The following XPO4 variants were observed in gnomAD, a reference collection of about 807,000 sequenced individuals.
The protein encoded by XPO4 is exportin-4.
XPO4 carries 39 observed loss-of-function variants against 143.0 expected under a neutral mutation model. That is an observed-to-expected ratio of 0.27 (90% CI 0.21 to 0.36). XPO4 has a LOEUF of 0.36. XPO4 is among the 10% of genes least tolerant of loss of function. XPO4 has a pLI of 1.00. For missense variants in XPO4, 907 were observed against 1,348.0 expected, an observed-to-expected ratio of 0.67 and a Z score of 5.12; for synonymous variants, 439 against 474.0, an observed-to-expected ratio of 0.93 and a Z score of 0.96.
chr13:20,895,326 A>G (rs1230018285), intron 1 of XPO4, among the ~76,000 whole-genome samples: 1 of 152,160 alleles, frequency 6.6e-6, no homozygotes, highest in Non-Finnish European at 1.5e-5. Context: ...TTCCCTATGC[A>G]GCCATTCTTA....
In XPO4 at chr13:20,902,488, G is replaced by A. The variant is rs1034065319; in HGVS notation, c.69+182C>T. The A allele has an allele frequency of 1.3e-4, 125 of 985,318 alleles. No individual in the cohort carries two copies. The Middle Eastern group carries it at 2.1e-3, about 16-fold the overall frequency. 61.0% of individuals were successfully genotyped at this position (985,318 alleles called of 1,614,324 possible). On this transcript the variant is annotated intron_variant, in intron 1 of 22. Transcript: ENST00000255305. ...AAGGGGACAGCTCCTGGAAGGAGGGGACGACGGCAGGAGGAAAGTAGGCTG... is the reference window on the plus strand; with the variant it reads ...AAGGGGACAGCTCCTGGAAGGAGGGAACGACGGCAGGAGGAAAGTAGGCTG...
intron 3 of XPO4, among the ~76,000 whole-genome samples, chr13:20,861,261 T>C (rs1199788301): frequency 6.6e-6 from 1 of 150,800 alleles, no homozygotes; most frequent in Non-Finnish European, 1.5e-5. Flanking sequence ...AAAAGGTAAA[T>C]AGTAAATCAA....
In XPO4 at chr13:20,778,024, TA is replaced by T. The variant is rs949529622; in HGVS notation, c.*5697del. On this transcript the variant is annotated 3_prime_UTR_variant, in exon 23 of 23. Coordinates refer to ENST00000255305, the MANE Select transcript of XPO4 (RefSeq NM_022459.5). ...AAGACTCAATCTGAGACCCTATGTT[TA>T]AAAAAACAAAACTGTTTTATAATCT... is the stretch of plus-strand genomic sequence containing the variant. 1 of 152,202 alleles carries T rather than the reference TA, an allele frequency of 6.6e-6. No homozygotes were observed. Among genetic ancestry groups the T allele is most frequent in the African/African-American group, 2.4e-5 (1 of 41,448 alleles). 9.4% of individuals were successfully genotyped at this position (152,202 alleles called of 1,614,324 possible).
At chr13:20,785,926 G>GAAAGA (rs2059198121) in intron 22 of XPO4, among the ~76,000 whole-genome samples, 1 of 144,580 alleles carries the variant, frequency 6.9e-6, no homozygotes, top group Non-Finnish European at 1.5e-5. Context: ...AGGAAGAAAG[G>GAAAGA]AAAGAAAAGA....
At chr13:20,902,204 G>A in intron 1 of XPO4, 1 of 985,362 alleles carries the variant, frequency 1.0e-6, no homozygotes, top group Non-Finnish European at 1.2e-6. Flanking sequence ...GGAAGCGCTA[G>A]AGGATGCGAA....
At chr13:20,788,961 T>C (rs2059241680) in intron 19 of XPO4, among the ~76,000 whole-genome samples, 1 of 152,238 alleles carries the variant, frequency 6.6e-6, no homozygotes. Context: ...TAAAACCTTT[T>C]TGTAAATGTA....
At position 20,890,148 on chromosome 13, in the gene XPO4, T is replaced by C. The variant is rs186756866; in HGVS notation, c.69+12522A>G. Among the ~76,000 whole-genome samples the C allele has an allele frequency of 1.2e-3, 186 of 152,288 alleles. 1 individual carries two copies. The highest frequency in any genetic ancestry group is 3.9e-3 in the African/African-American group (162 of 41,568). On this transcript the variant is annotated intron_variant, in intron 1 of 22. Coordinates refer to ENST00000255305, the MANE Select transcript of XPO4 (RefSeq NM_022459.5). ...AATGAGCTAGAACCTATAAGAATTATTTGAAATGTTAAATCAGGAGCTGGG... is the reference window on the plus strand; with the variant it reads ...AATGAGCTAGAACCTATAAGAATTACTTGAAATGTTAAATCAGGAGCTGGG...
chr13:20,814,060 T>G (rs1461622052), intron 9 of XPO4, among the ~76,000 whole-genome samples: 3 of 152,150 alleles, frequency 2.0e-5, no homozygotes, highest in Admixed American at 2.0e-4. Context: ...GGCCTGTTTA[T>G]ATACTTAACA....
chr13:20,807,097 G>A (rs1480091468), intron 13 of XPO4, among the ~76,000 whole-genome samples: 2 of 152,042 alleles, frequency 1.3e-5, no homozygotes, highest in South Asian at 2.1e-4. Context: ...AACGATACTT[G>A]TTGACGTTCA....
At position 20,826,160 on chromosome 13, in the gene XPO4, T is replaced by C. The variant is rs114687773; in HGVS notation, c.840+907A>G. 9.3e-3 allele frequency among the ~76,000 whole-genome samples: 1,413 copies of C among 152,236 alleles called. 23 individuals carry two copies. The highest frequency in any genetic ancestry group is 0.031 in the African/African-American group (1,301 of 41,550). ...AGCATCCAACACATAAACACACACA[T>C]ATGAATTGTTTTTCCAGCTTTTGAC... is the stretch of plus-strand genomic sequence containing the variant. On this transcript the variant is annotated intron_variant, in intron 7 of 22. Transcript: ENST00000255305.
intron 1 of XPO4, among the ~76,000 whole-genome samples, chr13:20,880,304 T>C (rs1481867199): frequency 6.6e-6 from 1 of 152,052 alleles, no homozygotes; most frequent in Non-Finnish European, 1.5e-5. Flanking sequence ...TGGTGGCACA[T>C]GCCTGTAATC....
At chr13:20,850,033 G>A in intron 4 of XPO4, 3 of 818,588 alleles carry the variant, frequency 3.7e-6, no homozygotes, top group Non-Finnish European at 4.4e-6. Context: ...TTAAACCCAG[G>A]AGGCGGAGGT....
In XPO4 at chr13:20,787,027, G is replaced by A. The variant is rs866299363; in HGVS notation, c.3196C>T (p.His1066Tyr). 6.4e-7 allele frequency: 1 copy of A among 1,566,698 alleles called. No individual in the cohort carries two copies. Among genetic ancestry groups the A allele is most frequent in the East Asian group, 2.3e-5 (1 of 42,870 alleles). Residue 1066 changes from histidine (H) to tyrosine (Y), a missense_variant, in exon 22 of 23, where the codon CAC becomes TAC. His to Tyr is a moderately conservative substitution (Grantham distance 83). Coordinates refer to ENST00000255305, the MANE Select transcript of XPO4 (RefSeq NM_022459.5). ...LVFDMLVLQK[H>Y]NTEMTTAAGE... ...GCCGCAGTGGTCATCTCTGTGTTGT[G>A]CTTTTGCAAAACCAGCATATCAAAA...
At chr13:20,806,678 G>T (rs1308009369) in intron 13 of XPO4, among the ~76,000 whole-genome samples, 1 of 148,852 alleles carries the variant, frequency 6.7e-6, no homozygotes, top group Non-Finnish European at 1.5e-5. Context: ...TCAGCCTCCC[G>T]AGTAGCTGGG....
At chr13:20,793,972 C>T (rs1303432766) in intron 18 of XPO4, among the ~76,000 whole-genome samples, 1 of 152,106 alleles carries the variant, frequency 6.6e-6, no homozygotes, top group African/African-American at 2.4e-5. Flanking sequence ...TTCTGATTTC[C>T]TAAAGGGGCC....
Position 20,827,587 on chromosome 13 carries a change from T to C in XPO4, c.728-408A>G, listed in dbSNP as rs74658264. ...AACAATTAACACCACATATACAAAATGTGAGTTTCATATAGTCTACTTGGA... is the reference window on the plus strand; with the variant it reads ...AACAATTAACACCACATATACAAAACGTGAGTTTCATATAGTCTACTTGGA... On this transcript the variant is annotated intron_variant, in intron 6 of 22. Transcript: ENST00000255305. 4.4e-3 allele frequency among the ~76,000 whole-genome samples: 674 copies of C among 152,204 alleles called. 11 individuals carry two copies. Among genetic ancestry groups the C allele is most frequent in the African/African-American group, 0.016 (644 of 41,540 alleles).
chr13:20,787,756 A>C (rs970826837), intron 20 of XPO4, among the ~76,000 whole-genome samples, 158 bp from the exon 21 acceptor site: 1 of 152,250 alleles, frequency 6.6e-6, no homozygotes, highest in Non-Finnish European at 1.5e-5. Context: ...TATATAAGGA[A>C]AGAAGATTTC....
At chr13:20,794,300 C>T (rs1393561848) in intron 18 of XPO4, among the ~76,000 whole-genome samples, 2 of 151,846 alleles carry the variant, frequency 1.3e-5, no homozygotes, top group African/African-American at 4.8e-5. Flanking sequence ...AGTAGGTCTG[C>T]GATGGGGCCT....
chr13:20,787,465 C>G lies in XPO4; in HGVS notation c.3165+16G>C. On this transcript the variant is annotated intron_variant, in intron 21 of 22. Transcript: ENST00000255305. ...GAAAGTAGCTGATTTTCTGACCTAC[C>G]GCACAGACATCTTACCTTAAGAAAG... 6.2e-7 allele frequency: 1 copy of G among 1,608,816 alleles called. No homozygotes were observed. Among genetic ancestry groups the G allele is most frequent in the Non-Finnish European group, 8.5e-7 (1 of 1,175,140 alleles).
Sources: gnomAD v4.1 joint callset for allele counts (sites outside exome capture counted in the v4.1 genomes callset) on GRCh38, gnomAD v4.1.1 for gene constraint, MANE v1.5 for transcripts, NCBI Gene and HGNC (gene_info 2026-07-23, HGNC 2026-07-21) for gene names.